Variants in ATP10A observed in about 807,000 individuals in gnomAD.
ATP10A encodes ATPase phospholipid transporting 10A (putative).
In ATP10A, 111 loss-of-function variants were observed where a neutral mutation model predicts 147.8. The observed-to-expected ratio is 0.75, with a 90% CI of 0.64 to 0.88. ATP10A has a LOEUF of 0.88. ATP10A is among the 40% of genes least tolerant of loss of function. ATP10A has a pLI of 0.00. For missense variants in ATP10A, 1,927 were observed against 1,959.0 expected, an observed-to-expected ratio of 0.98 and a Z score of 0.31; for synonymous variants, 875 against 841.6, an observed-to-expected ratio of 1.04 and a Z score of -0.69.
At chr15:25,849,845 CA>C (rs111862725) in intron 1 of ATP10A, among the ~76,000 whole-genome samples, 82 of 142,790 alleles carry the variant, frequency 5.7e-4, no homozygotes, top group South Asian at 2.7e-3. Flanking sequence ...ATTTTCTTTC[CA>C]AAAAAAAAAA....
In ATP10A at chr15:25,691,698, G is replaced by T; in HGVS notation, c.3165+17C>A. Reference sequence around the variant, plus strand: ...TAGGGCCAATTGGTCACACAGAATAGCCTGATTGGTCTTTACCTGCATACC... The same window carrying T: ...TAGGGCCAATTGGTCACACAGAATATCCTGATTGGTCTTTACCTGCATACC... On this transcript the variant is annotated intron_variant, in intron 15 of 20. Coordinates refer to ENST00000555815, the MANE Select transcript of ATP10A (RefSeq NM_024490.4). 1.2e-6 allele frequency: 2 copies of T among 1,613,904 alleles called. No individual in the cohort carries two copies. The highest frequency in any genetic ancestry group is 1.7e-6 in the Non-Finnish European group (2 of 1,179,754).
In ATP10A at chr15:25,687,685, C is replaced by A; in HGVS notation, c.3291+18G>T. The A allele has an allele frequency of 6.6e-7, 1 of 1,519,800 alleles. No individual in the cohort carries two copies. Among genetic ancestry groups the A allele is most frequent in the Non-Finnish European group, 8.9e-7 (1 of 1,128,348 alleles). 94.1% of individuals were successfully genotyped at this position (1,519,800 alleles called of 1,614,324 possible). On this transcript the variant is annotated intron_variant, in intron 16 of 20. Coordinates refer to ENST00000555815, the MANE Select transcript of ATP10A (RefSeq NM_024490.4). ...AACCTTCCAATCCCAAAACTCTAGA[C>A]AGGTATCCAATACCTACTGTGTTTT...
intron 2 of ATP10A, among the ~76,000 whole-genome samples, chr15:25,748,790 C>G (rs888042421): frequency 5.3e-5 from 8 of 151,954 alleles, no homozygotes; most frequent in Admixed American, 2.6e-4. Flanking sequence ...CACAGTGGCT[C>G]ATGCCTGTAA....
chr15:25,723,049 G>A (rs12438193), intron 6 of ATP10A, among the ~76,000 whole-genome samples: 1 of 152,166 alleles, frequency 6.6e-6, no homozygotes, highest in Admixed American at 6.5e-5. Context: ...CTATAGTTTT[G>A]TTCAAAGCAA....
intron 4 of ATP10A, among the ~76,000 whole-genome samples, chr15:25,726,823 G>A (rs113666431): frequency 0.2 from 30,140 of 150,494 alleles, 3,637 homozygotes; most frequent in African/African-American, 0.31. Context: ...AGGCCAAGGC[G>A]GGCGGATCAC....
At chr15:25,759,183 G>A (rs575815932) in intron 2 of ATP10A, among the ~76,000 whole-genome samples, 1 of 152,180 alleles carries the variant, frequency 6.6e-6, no homozygotes, top group South Asian at 2.1e-4. Context: ...AGAATTAAAA[G>A]GAACATTTTA....
chr15:25,845,696 C>T (rs1401532175), intron 1 of ATP10A, among the ~76,000 whole-genome samples: 1 of 152,126 alleles, frequency 6.6e-6, no homozygotes, highest in Non-Finnish European at 1.5e-5. Context: ...AGTTAAGGGG[C>T]CACCTCCCTA....
At chr15:25,790,929 G>A (rs1017299557) in intron 1 of ATP10A, among the ~76,000 whole-genome samples, 1 of 152,088 alleles carries the variant, frequency 6.6e-6, no homozygotes, top group African/African-American at 2.4e-5. Flanking sequence ...GGCCGGAGTT[G>A]TGCGCTCCTT....
chr15:25,820,444 T>C (rs1051406987), intron 1 of ATP10A, among the ~76,000 whole-genome samples: 1 of 152,200 alleles, frequency 6.6e-6, no homozygotes, highest in African/African-American at 2.4e-5. Context: ...ATACTGATGT[T>C]GATTCTCCTG....
At chr15:25,850,132 T>G (rs945427290) in intron 1 of ATP10A, among the ~76,000 whole-genome samples, 6 of 152,192 alleles carry the variant, frequency 3.9e-5, no homozygotes, top group Non-Finnish European at 5.9e-5. Flanking sequence ...AACTGTTCAG[T>G]GGAGGTGAAC....
intron 3 of ATP10A, among the ~76,000 whole-genome samples, chr15:25,732,583 T>G: frequency 1.6e-5 from 1 of 63,492 alleles, no homozygotes; most frequent in African/African-American, 4.8e-5. Flanking sequence ...TGAGATGGAG[T>G]CTCGCTCTGT....
At position 25,815,949 on chromosome 15, in the gene ATP10A, A is replaced by T. The variant is rs184123302; in HGVS notation, c.450-34726T>A. 2.6e-3 allele frequency among the ~76,000 whole-genome samples: 388 copies of T among 151,904 alleles called. 1 individual carries two copies. The highest frequency in any genetic ancestry group is 4.2e-3 in the Non-Finnish European group (285 of 67,992). ...TGCTAATAATCTAAGGGTTAATCTG[A>T]CAATTGTGTAGGGTGGAAAGTTTTA... On this transcript the variant is annotated intron_variant, in intron 1 of 20. Coordinates refer to ENST00000555815, the MANE Select transcript of ATP10A (RefSeq NM_024490.4).
Position 25,777,930 on chromosome 15 carries a change from C to T in ATP10A, c.654+3089G>A, listed in dbSNP as rs148462523. On this transcript the variant is annotated intron_variant, in intron 2 of 20. Transcript: ENST00000555815. The stretch of plus-strand genomic sequence containing the variant: ...CCTGGCTCCTATATTCTTCAGGGTC[C>T]TCTTTATTTCTTTTTTATTTATTTT... 2.5e-3 allele frequency among the ~76,000 whole-genome samples: 377 copies of T among 151,882 alleles called. 4 individuals are homozygous for T. The highest frequency in any genetic ancestry group is 8.9e-3 in the African/African-American group (367 of 41,450).
chr15:25,850,642 T>TC (rs60357196), intron 1 of ATP10A, among the ~76,000 whole-genome samples: 78 of 40,520 alleles, frequency 1.9e-3, no homozygotes, highest in Middle Eastern at 0.014. Context: ...CCTCCCTCCC[T>TC]CCCCCCCCAG....
intron 2 of ATP10A, among the ~76,000 whole-genome samples, chr15:25,765,726 A>C (rs11161217): frequency 0.42 from 63,595 of 152,004 alleles, 13,665 homozygotes; most frequent in East Asian, 0.56. Flanking sequence ...GATTAGACAG[A>C]GGTATTGTAT....
Position 25,736,058 on chromosome 15 carries a change from G to C in ATP10A, c.738C>G (p.Cys246Trp), listed in dbSNP as rs1036777678. The C allele has an allele frequency of 2.5e-6, 4 of 1,612,756 alleles. No homozygotes were observed. The African/African-American group carries it at 5.3e-5, about 22-fold the overall frequency. Residue 246 changes from cysteine (C) to tryptophan (W), a missense_variant and splice_region_variant, in exon 3 of 21, where the codon TGC (cysteine) becomes TGG (tryptophan). Physicochemically the swap from Cys to Trp is radical, Grantham distance 215. Transcript: ENST00000555815. ...GCAGGCAGACACACGATACTCACAT[G>C]CAGCCGCGAAACCTACTCAGGTCGT... ...PNNDLSRFRG[C>W]IIHDNGKKAG...
intron 12 of ATP10A, among the ~76,000 whole-genome samples, chr15:25,706,602 G>A (rs1421241730): frequency 6.6e-6 from 1 of 152,234 alleles, no homozygotes. Context: ...GGAAGATGGA[G>A]AAGGGGCAGC....
intron 12 of ATP10A, among the ~76,000 whole-genome samples, chr15:25,703,486 C>T (rs1245941517): frequency 6.6e-6 from 1 of 152,212 alleles, no homozygotes; most frequent in African/African-American, 2.4e-5. Flanking sequence ...GCTGTTAGAG[C>T]CTTGATCTTG....
chr15:25,685,857 T>A (rs1899684949), intron 16 of ATP10A, among the ~76,000 whole-genome samples: 1 of 150,974 alleles, frequency 6.6e-6, no homozygotes, highest in Non-Finnish European at 1.5e-5. Flanking sequence ...AAAGCAGGAA[T>A]TAACTTGCTC....
Sources: gnomAD v4.1 joint callset for allele counts (sites outside exome capture counted in the v4.1 genomes callset) on GRCh38, gnomAD v4.1.1 for gene constraint, MANE v1.5 for transcripts, NCBI Gene and HGNC (gene_info 2026-07-23, HGNC 2026-07-21) for gene names.